KIFC1: variants seen among roughly 807,000 people sequenced by gnomAD.
KIFC1 encodes kinesin-like protein KIFC1.
KIFC1 carries 37 observed loss-of-function variants against 66.6 expected under a neutral mutation model. The ratio of observed to expected loss-of-function variants is 0.56; its 90% CI spans 0.43 to 0.73. The LOEUF (loss-of-function observed/expected upper bound fraction) is 0.73, where lower values mean the gene tolerates loss of function less well. Among genes scored for constraint, KIFC1 ranks in the 30% least tolerant of loss-of-function variants. The probability of loss-of-function intolerance (pLI) is 0.00; values close to 1 mark genes in which losing one functional copy is unlikely to be tolerated. For missense variants in KIFC1, 721 were observed against 859.8 expected (o/e 0.84, Z 2.02); for synonymous variants, 325 against 343.5 (o/e 0.95, Z 0.60).
At chr6:33,396,842 C>T (rs188247038) in intron 1 of KIFC1, among the ~76,000 whole-genome samples, 138 of 151,978 alleles carry the variant, frequency 9.1e-4, no homozygotes, top group African/African-American at 2.9e-3. Flanking sequence ...CCACCACGCC[C>T]GGCTAATTTT....
At position 33,400,340 on chromosome 6, in the gene KIFC1, C is replaced by A; in HGVS notation, c.250+1953C>A. The A allele has an allele frequency of 6.3e-7, 1 of 1,589,138 alleles. No homozygotes were observed. Among genetic ancestry groups the A allele is most frequent in the Non-Finnish European group, 8.5e-7 (1 of 1,169,824 alleles). On this transcript the variant is annotated intron_variant, in intron 3 of 10. Transcript: ENST00000428849. The surrounding 1 kb of genome is among the most constrained non-coding windows in gnomAD (Gnocchi z 4.3). ...ATCGGGGCAGAGGCAGAAGGCACCA[C>A]CTCAATCTGGGCCTGTCTGTTCTCA...
At chr6:33,402,373 G>A (rs936508443) in intron 3 of KIFC1, among the ~76,000 whole-genome samples, 1 of 152,186 alleles carries the variant, frequency 6.6e-6, no homozygotes, top group Non-Finnish European at 1.5e-5. Context: ...GCACATGACT[G>A]TATTAACATA....
intron 10 of KIFC1, chr6:33,407,092 A>T (rs1775703383): frequency 1.1e-5 from 14 of 1,298,306 alleles, no homozygotes; most frequent in South Asian, 5.2e-5. Context: ...AAGCTGATTA[A>T]AAAAAAAAGA....
Position 33,401,165 on chromosome 6 carries a change from C to T in KIFC1, c.251-2149C>T, listed in dbSNP as rs922296919. On this transcript the variant is annotated intron_variant, in intron 3 of 10. Coordinates refer to ENST00000428849, the MANE Select transcript of KIFC1 (RefSeq NM_002263.4). This position sits in a 1 kb window ranked among gnomAD's most constrained non-coding sequence, Gnocchi z 4.5. Reference sequence around the variant, plus strand: ...GTTTTTTGTTTTTGAGACAGAGTCTCGCTCTTTCGCCCAGGCTGGAGTGCA... The same window carrying T: ...GTTTTTTGTTTTTGAGACAGAGTCTTGCTCTTTCGCCCAGGCTGGAGTGCA... Among the ~76,000 whole-genome samples, 5 of 152,048 alleles carry T rather than the reference C, an allele frequency of 3.3e-5. No homozygotes were observed. The highest frequency in any genetic ancestry group is 5.9e-5 in the Non-Finnish European group (4 of 68,024).
At position 33,403,249 on chromosome 6, in the gene KIFC1, A is replaced by G; in HGVS notation, c.251-65A>G. 2 of 1,419,782 alleles carry G rather than the reference A, an allele frequency of 1.4e-6. No homozygotes were observed. Among genetic ancestry groups the G allele is most frequent in the East Asian group, 4.5e-5 (2 of 43,972 alleles). The allele number at this position is 1,419,782 out of a possible 1,614,324, so 87.9% of individuals were successfully genotyped here. ...AAAGCACTTCTTCTGCCCCTGTCCT[A>G]GCAAGTGTACATGCCATCTTAAGAA... is the stretch of plus-strand genomic sequence containing the variant. On this transcript the variant is annotated intron_variant, in intron 3 of 10. Coordinates refer to ENST00000428849, the MANE Select transcript of KIFC1 (RefSeq NM_002263.4). This position sits in a 1 kb window ranked among gnomAD's most constrained non-coding sequence, Gnocchi z 4.6.
At chr6:33,407,417 AAC>A (rs1305215713) in intron 10 of KIFC1, among the ~76,000 whole-genome samples, 1 of 152,164 alleles carries the variant, frequency 6.6e-6, no homozygotes, top group Non-Finnish European at 1.5e-5. Context: ...TCAAAAAACC[AAC>A]ACACAAAAAA....
In KIFC1 at chr6:33,398,115, C is replaced by T. The variant is rs748472360; in HGVS notation, c.99C>T (p.Ser33=). 4.3e-6 allele frequency: 7 copies of T among 1,614,016 alleles called. No individual in the cohort carries two copies. In the East Asian group the frequency reaches 1.6e-4, roughly 36 times the overall value. Residue 33 remains serine (S), a synonymous_variant, in exon 2 of 11, where the codon AGC becomes AGT. Transcript: ENST00000428849. ...CTTCCCAGCTGCCTCTCTCAGGAAG[C>T]AGACTCAAGAGGAGGCCTGACCAGA... ...KAPSQLPLSG[S]RLKRRPDQME... is the part of the protein sequence containing the mutation.
chr6:33,406,108 G>T lies in KIFC1; in HGVS notation c.1537-88G>T. ...TTGACAGGCTAGAAAGCTTCAAGAG[G>T]GTGGGGGTGGGCTCTTATTCATTTC... On this transcript the variant is annotated intron_variant, in intron 7 of 10. Transcript: ENST00000428849. This position sits in a 1 kb window ranked among gnomAD's most constrained non-coding sequence, Gnocchi z 4.5. 2.4e-6 allele frequency: 3 copies of T among 1,239,384 alleles called. No homozygotes were observed. Among genetic ancestry groups the T allele is most frequent in the South Asian group, 1.5e-5 (1 of 68,524 alleles). The allele number at this position is 1,239,384 out of a possible 1,614,324, so 76.8% of individuals were successfully genotyped here.
intron 10 of KIFC1, among the ~76,000 whole-genome samples, chr6:33,407,695 C>T (rs2151095010): frequency 6.6e-6 from 1 of 152,286 alleles, no homozygotes; most frequent in East Asian, 1.9e-4. Context: ...CAGACTATTC[C>T]AAATAGTGTG....
chr6:33,393,381 GAGAGATA>G (rs925987634), intron 1 of KIFC1, among the ~76,000 whole-genome samples: 1 of 150,858 alleles, frequency 6.6e-6, no homozygotes, highest in African/African-American at 2.4e-5. Flanking sequence ...ATTTTAAGCA[GAGAGATA>G]AGATTTGTTG....
chr6:33,396,987 CT>C (rs9282514), intron 1 of KIFC1, among the ~76,000 whole-genome samples: 57 of 89,218 alleles, frequency 6.4e-4, no homozygotes, highest in African/African-American at 1.7e-3. Context: ...TGGCCAAGTT[CT>C]TTTTTTTTTT....
intron 1 of KIFC1, among the ~76,000 whole-genome samples, chr6:33,396,682 T>A (rs1775058291): frequency 1.3e-5 from 2 of 151,778 alleles, no homozygotes; most frequent in African/African-American, 4.8e-5. Context: ...GAGAATTAAT[T>A]TCTTTTTTTT....
chr6:33,406,615 C>G lies in KIFC1; in HGVS notation c.1851C>G (p.Asn617Lys). Reference protein sequence around the residue: ...SNKESHVPYRNSKLTYLLQNS... With the variant: ...SNKESHVPYRKSKLTYLLQNS... ...AGGAGTCCCACGTGCCTTACCGGAA[C>G]AGCAAACTGACCTACCTGCTGCAGA... The change falls in exon 9 of 11, where the codon AAC (asparagine) becomes AAG (lysine). Residue 617 changes from asparagine to lysine, a missense_variant. By Grantham distance (94) the Asn-to-Lys change is moderately conservative. Transcript: ENST00000428849. This position sits in a 1 kb window ranked among gnomAD's most constrained non-coding sequence, Gnocchi z 4.5. 1 of 1,614,074 alleles carries G rather than the reference C, an allele frequency of 6.2e-7. No individual in the cohort carries two copies. The highest frequency in any genetic ancestry group is 8.5e-7 in the Non-Finnish European group (1 of 1,180,018).
At chr6:33,394,600 A>G (rs765863255) in intron 1 of KIFC1, among the ~76,000 whole-genome samples, 2 of 152,054 alleles carry the variant, frequency 1.3e-5, no homozygotes, top group African/African-American at 2.4e-5. Context: ...TCCCACCTCA[A>G]TCTCCCGAGT....
Position 33,405,150 on chromosome 6 carries a change from G to T in KIFC1, c.1055G>T (p.Arg352Leu). 1 of 1,614,082 alleles carries T rather than the reference G, an allele frequency of 6.2e-7. No homozygotes were observed. The highest frequency in any genetic ancestry group is 8.5e-7 in the Non-Finnish European group (1 of 1,180,022). The change falls in exon 7 of 11, where the codon CGG becomes CTG. Residue 352 changes from arginine to leucine, a missense_variant. Coordinates refer to ENST00000428849, the MANE Select transcript of KIFC1 (RefSeq NM_002263.4). The surrounding 1 kb of genome is among the most constrained non-coding windows in gnomAD (Gnocchi z 5.4). ...SDPPTRLSLS[R>L]SDERRGTLSG... Reference sequence around the variant, plus strand: ...CCTCCAACCCGCCTTAGCCTCTCCCGGTCTGACGAGCGGCGTGGGACCCTG... The same window carrying T: ...CCTCCAACCCGCCTTAGCCTCTCCCTGTCTGACGAGCGGCGTGGGACCCTG...
rs1331113979 is a variant in KIFC1, at chr6:33,400,652, CTCTT to C, written c.250+2267_250+2270del. 6.0e-6 allele frequency: 4 copies of C among 662,714 alleles called. No individual in the cohort carries two copies. Among genetic ancestry groups the C allele is most frequent in the African/African-American group, 1.8e-5 (1 of 55,156 alleles). The allele number at this position is 662,714 out of a possible 1,614,324, so 41.1% of individuals were successfully genotyped here. ...CGAGCCGAAAGCCGAGAGCTTCTCT[CTCTT>C]TTTTTTTTGAGATGGAGTCTCGCTC... On this transcript the variant is annotated intron_variant, in intron 3 of 10. Transcript: ENST00000428849. This position sits in a 1 kb window ranked among gnomAD's most constrained non-coding sequence, Gnocchi z 4.3.
In KIFC1 at chr6:33,406,118, G is replaced by T. The variant is rs1407426521; in HGVS notation, c.1537-78G>T. The T allele has an allele frequency of 7.5e-6, 10 of 1,333,748 alleles. No homozygotes were observed. Among genetic ancestry groups the T allele is most frequent in the Non-Finnish European group, 1.0e-5 (10 of 969,468 alleles). The allele number at this position is 1,333,748 out of a possible 1,614,324, so 82.6% of individuals were successfully genotyped here. A position where few individuals can be genotyped will look rare whatever the true frequency, so the allele number is the denominator to read the frequency against. The stretch of plus-strand genomic sequence containing the variant: ...AGAAAGCTTCAAGAGGGTGGGGGTG[G>T]GCTCTTATTCATTTCCATACATATT... On this transcript the variant is annotated intron_variant, in intron 7 of 10. Coordinates refer to ENST00000428849, the MANE Select transcript of KIFC1 (RefSeq NM_002263.4). The surrounding 1 kb of genome is among the most constrained non-coding windows in gnomAD (Gnocchi z 4.5).
Position 33,401,127 on chromosome 6 carries a change from ATTTTTGT to A in KIFC1, c.251-2168_251-2162del, listed in dbSNP as rs1001976407. On this transcript the variant is annotated intron_variant, in intron 3 of 10. Coordinates refer to ENST00000428849, the MANE Select transcript of KIFC1 (RefSeq NM_002263.4). This position sits in a 1 kb window ranked among gnomAD's most constrained non-coding sequence, Gnocchi z 4.5. ...CTCTGTCTCCTGGCTTGAAAATAAA[ATTTTTGT>A]TTTTTGTTTTTTGTTTTTGAGACAG... Among the ~76,000 whole-genome samples the A allele has an allele frequency of 2.0e-5, 3 of 151,728 alleles. No individual in the cohort carries two copies. The highest frequency in any genetic ancestry group is 4.8e-5 in the African/African-American group (2 of 41,276).
In KIFC1 at chr6:33,405,042, G is replaced by A. The variant is rs373867284; in HGVS notation, c.947G>A (p.Arg316Gln). ...ELKGNIRVFC[R>Q]VRPVLPGEPT... ...AAGGGCAACATCCGTGTATTCTGCC[G>A]GGTCCGCCCTGTCCTGCCGGGGGAG... Residue 316 changes from arginine (R) to glutamine (Q), a missense_variant, in exon 7 of 11, where the codon CGG (arginine) becomes CAG (glutamine). Coordinates refer to ENST00000428849, the MANE Select transcript of KIFC1 (RefSeq NM_002263.4). This position sits in a 1 kb window ranked among gnomAD's most constrained non-coding sequence, Gnocchi z 5.4. 4 of 1,614,062 alleles carry A rather than the reference G, an allele frequency of 2.5e-6. No homozygotes were observed. Among genetic ancestry groups the A allele is most frequent in the Non-Finnish European group, 3.4e-6 (4 of 1,179,978 alleles).
Sources: gnomAD v4.1 joint callset for allele counts (sites outside exome capture counted in the v4.1 genomes callset) on GRCh38, gnomAD v4.1.1 for gene constraint, Gnocchi (gnomAD v3.1) non-coding constraint, MANE v1.5 for transcripts, NCBI Gene and HGNC (gene_info 2026-07-23, HGNC 2026-07-21) for gene names.